MAP1S: variants seen among roughly 807,000 people sequenced by gnomAD.
MAP1S encodes microtubule-associated protein 1S.
A neutral mutation model predicts 60.9 loss-of-function variants in MAP1S; 27 were observed. The observed-to-expected ratio is 0.44, with a 90% CI of 0.33 to 0.61. The LOEUF is 0.61. MAP1S is among the 20% of genes least tolerant of loss of function. The probability of loss-of-function intolerance (pLI) is 0.03; values close to 1 mark genes in which losing one functional copy is unlikely to be tolerated. For synonymous variants in MAP1S, 826 were observed against 694.2 expected (o/e 1.19, Z -2.98); for missense variants, 1,608 against 1,486.6 (o/e 1.08, Z -1.34).
chr19:17,726,269 C>A lies in MAP1S; in HGVS notation c.885C>A (p.Ala295=), dbSNP rs767255108. ...CCGTGCTGGTGACCCACCCTGGCGCCGACAGCCTCCCCGGCCTCAACAGCC... is the reference window on the plus strand; with the variant it reads ...CCGTGCTGGTGACCCACCCTGGCGCAGACAGCCTCCCCGGCCTCAACAGCC... ...VDAVLVTHPG[A]DSLPGLNSLL... Residue 295 remains alanine (A), a synonymous_variant, in exon 5 of 7, where the codon GCC becomes GCA. Coordinates refer to ENST00000324096, the MANE Select transcript of MAP1S (RefSeq NM_018174.6). 1 of 1,606,412 alleles carries A rather than the reference C, an allele frequency of 6.2e-7. No individual in the cohort carries two copies. The highest frequency in any genetic ancestry group is 1.1e-5 in the South Asian group (1 of 89,910).
intron 6 of MAP1S, among the ~76,000 whole-genome samples, 161 bp downstream of exon 6, chr19:17,733,589 T>TC (rs1325383900): frequency 6.6e-6 from 1 of 152,220 alleles, no homozygotes; most frequent in African/African-American, 2.4e-5. Flanking sequence ...CTCTTCGGAC[T>TC]CTGATTCTGT....
chr19:17,726,634 T>C lies in MAP1S; in HGVS notation c.1250T>C (p.Val417Ala). 1 of 1,573,446 alleles carries C rather than the reference T, an allele frequency of 6.4e-7. No individual in the cohort carries two copies. The highest frequency in any genetic ancestry group is 1.3e-5 in the African/African-American group (1 of 74,346). Residue 417 changes from valine to alanine, a missense_variant, in exon 5 of 7, where the codon GTG becomes GCG. By Grantham distance (64) the Val-to-Ala change is moderately conservative. Around this residue, in one of 4 missense-constraint regions of MAP1S, gnomAD observed 1,167 missense variants for 961.4 expected, o/e 1.21. Coordinates refer to ENST00000324096, the MANE Select transcript of MAP1S (RefSeq NM_018174.6). ...CTGGCCTCTGTGTGCGCCCTGCTGG[T>C]GTGGCACCCCGCCGGCCCCGGCGAG... ...RTLASVCALL[V>A]WHPAGPGEKV... is the part of the protein sequence containing the mutation.
At chr19:17,721,305 T>C (rs1599451911) in intron 2 of MAP1S, 1 of 449,276 alleles carries the variant, frequency 2.2e-6, no homozygotes, top group Non-Finnish European at 4.1e-6. Flanking sequence ...GAGGAGGGGG[T>C]TTTTTGATGA....
In MAP1S at chr19:17,728,061, G is replaced by C. The variant is rs936960515; in HGVS notation, c.2677G>C (p.Asp893His). The C allele has an allele frequency of 6.2e-7, 1 of 1,612,576 alleles. No homozygotes were observed. The highest frequency in any genetic ancestry group is 8.5e-7 in the Non-Finnish European group (1 of 1,179,858). The part of the protein sequence containing the change: ...AAKTKGLAGG[D>H]RASRPLSARS... ...CAAAACCAAGGGGCTTGCTGGTGGG[G>C]ACCGTGCCAGCCGACCACTCAGTGC... Residue 893 changes from aspartate (D) to histidine (H), a missense_variant, in exon 5 of 7, where the codon GAC (aspartate) becomes CAC (histidine). Transcript: ENST00000324096.
Position 17,728,022 on chromosome 19 carries a change from C to T in MAP1S, c.2638C>T (p.Pro880Ser). The T allele has an allele frequency of 6.2e-7, 1 of 1,611,290 alleles. No individual in the cohort carries two copies. The highest frequency in any genetic ancestry group is 8.5e-7 in the Non-Finnish European group (1 of 1,179,390). The change falls in exon 5 of 7, where the codon CCA becomes TCA. Residue 880 changes from proline to serine, a missense_variant. Around this residue, in one of 4 missense-constraint regions of MAP1S, gnomAD observed 1,167 missense variants for 961.4 expected, o/e 1.21. Coordinates refer to ENST00000324096, the MANE Select transcript of MAP1S (RefSeq NM_018174.6). ...NSRAAAPKAT[P>S]VAAAKTKGLA... The stretch of plus-strand genomic sequence containing the variant: ...ACGCGCTGCCGCCCCCAAAGCCACT[C>T]CAGTGGCTGCTGCCAAAACCAAGGG...
At chr19:17,724,328 C>A in intron 3 of MAP1S, 120 bp downstream of exon 3, 1 of 773,794 alleles carries the variant, frequency 1.3e-6, no homozygotes, top group Admixed American at 2.2e-5. Context: ...CCCGGCACCA[C>A]ACTTCTTCGC....
At chr19:17,728,226 A>G (rs2080461830) in intron 5 of MAP1S, 54 bp downstream of exon 5, 1 of 1,495,260 alleles carries the variant, frequency 6.7e-7, no homozygotes, top group South Asian at 1.4e-5. Flanking sequence ...TAGGCTGGAG[A>G]GCATAGCTCG....
chr19:17,724,973 C>G, intron 3 of MAP1S, 76 bp from the exon 4 acceptor site: 1 of 1,593,032 alleles, frequency 6.3e-7, no homozygotes, highest in South Asian at 1.1e-5. Context: ...TGTATCGACT[C>G]GAGGCTACCC....
chr19:17,726,502 G>A lies in MAP1S; in HGVS notation c.1118G>A (p.Ser373Asn). Reference sequence around the variant, plus strand: ...CTGGGCATCACGCCTCTGCCACTCAGCCGCGGCCCCGTGCCAGCCAAACCC... The same window carrying A: ...CTGGGCATCACGCCTCTGCCACTCAACCGCGGCCCCGTGCCAGCCAAACCC... ...AQLGITPLPL[S>N]RGPVPAKPTV... The change falls in exon 5 of 7, where the codon AGC (serine) becomes AAC (asparagine). Residue 373 changes from serine to asparagine, a missense_variant. Ser to Asn is a conservative substitution (Grantham distance 46). Transcript: ENST00000324096. The A allele has an allele frequency of 6.4e-7, 1 of 1,550,788 alleles. No individual in the cohort carries two copies. The highest frequency in any genetic ancestry group is 1.2e-5 in the South Asian group (1 of 84,944).
At position 17,726,104 on chromosome 19, in the gene MAP1S, G is replaced by T. The variant is rs1488408394; in HGVS notation, c.720G>T (p.Arg240=). ...PTSGGFLRLG[R]PCCYIFPGGL... is the part of the protein sequence containing the mutation. ...CCGGGGGCTTCCTCAGGCTGGGCCGGCCCTGCTGCTACATCTTCCCTGGAG... is the reference window on the plus strand; with the variant it reads ...CCGGGGGCTTCCTCAGGCTGGGCCGTCCCTGCTGCTACATCTTCCCTGGAG... The change falls in exon 5 of 7, where the codon CGG becomes CGT. Residue 240 remains arginine, a synonymous_variant. Transcript: ENST00000324096. 15 of 1,613,780 alleles carry T rather than the reference G, an allele frequency of 9.3e-6. No individual in the cohort carries two copies. Among genetic ancestry groups the T allele is most frequent in the African/African-American group, 1.3e-5 (1 of 74,930 alleles).
Position 17,726,572 on chromosome 19 carries a change from T to C in MAP1S, c.1188T>C (p.Tyr396=), listed in dbSNP as rs774662383. The stretch of plus-strand genomic sequence containing the variant: ...TGGGCGTGGGCCGGCTGGACATGTA[T>C]GTGCTGCACCCGCCCTCCGCCGGCG... ...EKMGVGRLDM[Y]VLHPPSAGAE... is the part of the protein sequence containing the mutation. Residue 396 remains tyrosine (Y), a synonymous_variant, in exon 5 of 7, where the codon TAT becomes TAC. Coordinates refer to ENST00000324096, the MANE Select transcript of MAP1S (RefSeq NM_018174.6). 1.2e-5 allele frequency: 19 copies of C among 1,575,610 alleles called. No homozygotes were observed. The highest frequency in any genetic ancestry group is 8.1e-5 in the African/African-American group (6 of 74,476).
Position 17,726,726 on chromosome 19 carries a change from C to A in MAP1S, c.1342C>A (p.Leu448Met). 1 of 1,589,640 alleles carries A rather than the reference C, an allele frequency of 6.3e-7. No individual in the cohort carries two copies. Residue 448 changes from leucine to methionine, a missense_variant, in exon 5 of 7, where the codon CTG becomes ATG. Leu to Met is a conservative substitution (Grantham distance 15). Transcript: ENST00000324096. ...CTGCCTCCTGGACGGCCTGGTCCGCCTGCAGCACTTGAGGTTCCTGCGAGA... is the reference window on the plus strand; with the variant it reads ...CTGCCTCCTGGACGGCCTGGTCCGCATGCAGCACTTGAGGTTCCTGCGAGA... ...PACLLDGLVR[L>M]QHLRFLREPV...
At chr19:17,730,146 A>G (rs1599466057) in intron 5 of MAP1S, among the ~76,000 whole-genome samples, 1 of 152,210 alleles carries the variant, frequency 6.6e-6, no homozygotes, top group African/African-American at 2.4e-5. Context: ...ACTGTTTTCC[A>G]CAGCAGCTGC....
intron 1 of MAP1S, chr19:17,720,291 T>G: frequency 1.4e-6 from 2 of 1,429,182 alleles, no homozygotes; most frequent in South Asian, 2.9e-5. Context: ...TTTCATTGCA[T>G]GTAAAATGGG....
At position 17,726,281 on chromosome 19, in the gene MAP1S, C is replaced by T. The variant is rs12975100; in HGVS notation, c.897C>T (p.Pro299=). ...CCCACCCTGGCGCCGACAGCCTCCC[C>T]GGCCTCAACAGCCTGCTGCGGCGCA... ...LVTHPGADSL[P]GLNSLLRRKL... The change falls in exon 5 of 7, where the codon CCC becomes CCT. Residue 299 remains proline, a synonymous_variant. Coordinates refer to ENST00000324096, the MANE Select transcript of MAP1S (RefSeq NM_018174.6). 0.26 allele frequency: 417,864 copies of T among 1,605,178 alleles called. 58,951 individuals carry two copies. Among genetic ancestry groups the T allele is most frequent in the Non-Finnish European group, 0.28 (331,948 of 1,176,660 alleles).
At position 17,728,149 on chromosome 19, in the gene MAP1S, A is replaced by G. The variant is rs576491634; in HGVS notation, c.2765A>G (p.Lys922Arg). The G allele has an allele frequency of 8.1e-6, 13 of 1,599,064 alleles. No individual in the cohort carries two copies. The highest frequency in any genetic ancestry group is 1.7e-4 in the Middle Eastern group (1 of 5,998). ...CTGTCCAGAAAGTCCTCAACCCCCA[A>G]GACTGCCACTCGAGGCCCGTCGGGT... ...APLSRKSSTPKTATRGPSGSA... is the reference protein window; with the variant it reads ...APLSRKSSTPRTATRGPSGSA... Residue 922 changes from lysine to arginine, a missense_variant, in exon 5 of 7, where the codon AAG becomes AGG. Physicochemically the swap from Lys to Arg is conservative, Grantham distance 26. Transcript: ENST00000324096.
At position 17,734,432 on chromosome 19, in the gene MAP1S, C is replaced by G. The variant is rs757332389; in HGVS notation, c.*4C>G. Reference sequence around the variant, plus strand: ...GGCCTGCAAGGTGGAGTTCTAGCCCCATCGCCGACACGCCCCCCACTCAGC... The same window carrying G: ...GGCCTGCAAGGTGGAGTTCTAGCCCGATCGCCGACACGCCCCCCACTCAGC... On this transcript the variant is annotated 3_prime_UTR_variant, in exon 7 of 7. Coordinates refer to ENST00000324096, the MANE Select transcript of MAP1S (RefSeq NM_018174.6). The G allele has an allele frequency of 1.8e-5, 29 of 1,603,588 alleles. No individual in the cohort carries two copies. The East Asian group carries it at 6.3e-4, about 35-fold the overall frequency.
chr19:17,729,010 T>C (rs1023032908), intron 5 of MAP1S: 1 of 152,240 alleles, frequency 6.6e-6, no homozygotes, highest in African/African-American at 2.4e-5. Flanking sequence ...TGTGGGTTTC[T>C]AGAAGCCACA....
In MAP1S at chr19:17,727,111, T is replaced by C. The variant is rs1014681328; in HGVS notation, c.1727T>C (p.Val576Ala). 2 of 1,600,742 alleles carry C rather than the reference T, an allele frequency of 1.2e-6. No homozygotes were observed. Among genetic ancestry groups the C allele is most frequent in the Admixed American group, 3.4e-5 (2 of 59,146 alleles). Reference protein sequence around the residue: ...PSTSHSGFPPVANGPRSPPSL... With the variant: ...PSTSHSGFPPAANGPRSPPSL... Reference sequence around the variant, plus strand: ...ACGTCCCACTCTGGCTTCCCGCCGGTGGCAAATGGACCCCGCAGCCCGCCC... The same window carrying C: ...ACGTCCCACTCTGGCTTCCCGCCGGCGGCAAATGGACCCCGCAGCCCGCCC... Residue 576 changes from valine (V) to alanine (A), a missense_variant, in exon 5 of 7, where the codon GTG becomes GCG. Transcript: ENST00000324096. The surrounding 1 kb of genome is among the most constrained non-coding windows in gnomAD (Gnocchi z 4.1).
Sources: allele counts gnomAD v4.1 joint callset (sites outside exome capture counted in the v4.1 genomes callset), GRCh38; gene constraint gnomAD v4.1.1; regional missense constraint gnomAD v4.1.1; non-coding constraint Gnocchi (gnomAD v3.1); transcripts MANE v1.5; gene names NCBI Gene and HGNC (gene_info 2026-07-23, HGNC 2026-07-21).